LRRTM4: variants seen among roughly 807,000 people sequenced by gnomAD.
LRRTM4 encodes the protein leucine-rich repeat transmembrane neuronal protein 4.
A neutral mutation model predicts 47.6 loss-of-function variants in LRRTM4; 25 were observed. The observed-to-expected ratio is 0.53, with a 90% CI of 0.38 to 0.73. LRRTM4 has a LOEUF of 0.73. LRRTM4 is among the 30% of genes least tolerant of loss of function. The probability of loss-of-function intolerance (pLI) is 0.00; values close to 1 mark genes in which losing one functional copy is unlikely to be tolerated. For missense variants in LRRTM4, 638 were observed against 713.4 expected (o/e 0.89, Z 1.20); for synonymous variants, 311 against 269.5 (o/e 1.15, Z -1.51).
rs569174285 is a variant in LRRTM4, at chr2:76,868,229, G to A, written c.1552-119313C>T. 2.6e-5 allele frequency among the ~76,000 whole-genome samples: 4 copies of A among 152,090 alleles called. No individual in the cohort carries two copies. The South Asian group carries it at 8.3e-4, about 32-fold the overall frequency. On this transcript the variant is annotated intron_variant, in intron 3 of 3. Transcript: ENST00000409884. Reference sequence around the variant, plus strand: ...TTCCATCCAAAAATCTCAAAACAAAGGTAGATTTTTTAATATTAATTTTTC... The same window carrying A: ...TTCCATCCAAAAATCTCAAAACAAAAGTAGATTTTTTAATATTAATTTTTC...
At chr2:77,196,274 G>A (rs926950399) in intron 3 of LRRTM4, among the ~76,000 whole-genome samples, 1 of 152,084 alleles carries the variant, frequency 6.6e-6, no homozygotes, top group African/African-American at 2.4e-5. Flanking sequence ...AGGGTAATAG[G>A]CATATCTATC....
intron 3 of LRRTM4, among the ~76,000 whole-genome samples, chr2:77,367,121 T>G (rs1672490016): frequency 6.6e-6 from 1 of 151,802 alleles, no homozygotes; most frequent in Non-Finnish European, 1.5e-5. Context: ...ATGTATTGAT[T>G]TCTCGGCTTG....
At chr2:77,463,778 T>C (rs1676877787) in intron 3 of LRRTM4, among the ~76,000 whole-genome samples, 1 of 152,102 alleles carries the variant, frequency 6.6e-6, no homozygotes. Flanking sequence ...GCAGCTGTAG[T>C]GATATATCGA....
intron 3 of LRRTM4, among the ~76,000 whole-genome samples, chr2:76,818,290 G>A (rs1302679873): frequency 6.6e-6 from 1 of 151,672 alleles, no homozygotes; most frequent in African/African-American, 2.4e-5. Flanking sequence ...CCCTTAGTGG[G>A]TGAATAATAT....
intron 3 of LRRTM4, among the ~76,000 whole-genome samples, chr2:76,822,070 G>T (rs760505255): frequency 6.6e-6 from 1 of 151,474 alleles, no homozygotes; most frequent in African/African-American, 2.4e-5. Context: ...AAAATATTTA[G>T]TAAAATTTTA....
intron 3 of LRRTM4, among the ~76,000 whole-genome samples, chr2:77,021,095 T>C (rs952633569): frequency 7.6e-6 from 1 of 131,528 alleles, no homozygotes; most frequent in Admixed American, 7.8e-5. Context: ...AACTTCTCTG[T>C]ATCTATCTAT....
intron 3 of LRRTM4, among the ~76,000 whole-genome samples, chr2:76,902,901 G>A (rs1292772473): frequency 6.6e-6 from 1 of 152,082 alleles, no homozygotes; most frequent in African/African-American, 2.4e-5. Flanking sequence ...CCATTTCTTG[G>A]TGTGTTTTAA....
intron 3 of LRRTM4, among the ~76,000 whole-genome samples, chr2:76,904,359 A>T (rs998740258): frequency 6.6e-6 from 1 of 152,230 alleles, no homozygotes; most frequent in Non-Finnish European, 1.5e-5. Flanking sequence ...TTATTCGAGG[A>T]AGAAACAATG....
intron 3 of LRRTM4, among the ~76,000 whole-genome samples, chr2:77,223,774 G>T (rs533081692): frequency 6.7e-4 from 102 of 152,234 alleles, no homozygotes; most frequent in Non-Finnish European, 1.3e-3. Flanking sequence ...CGTGAAAATG[G>T]CCATACTGCC....
In LRRTM4 at chr2:77,362,932, T is replaced by C. The variant is rs1002310492; in HGVS notation, c.1551+155386A>G. Reference sequence around the variant, plus strand: ...ATTTGAAAAGAAAACATAAATTTAATTTAATTTTTAATGTTTGATTTTATG... The same window carrying C: ...ATTTGAAAAGAAAACATAAATTTAACTTAATTTTTAATGTTTGATTTTATG... On this transcript the variant is annotated intron_variant, in intron 3 of 3. Coordinates refer to ENST00000409884, the MANE Select transcript of LRRTM4 (RefSeq NM_001134745.3). Among the ~76,000 whole-genome samples the C allele has an allele frequency of 5.9e-5, 9 of 152,326 alleles. No individual in the cohort carries two copies. The East Asian group carries it at 1.7e-3, about 29-fold the overall frequency.
At chr2:77,371,158 A>T (rs1672642925) in intron 3 of LRRTM4, among the ~76,000 whole-genome samples, 1 of 151,780 alleles carries the variant, frequency 6.6e-6, no homozygotes, top group East Asian at 1.9e-4. Context: ...TGAGACAGAC[A>T]GGTGACTTTC....
At chr2:76,933,569 C>A (rs1007288365) in intron 3 of LRRTM4, among the ~76,000 whole-genome samples, 5 of 151,948 alleles carry the variant, frequency 3.3e-5, no homozygotes, top group Non-Finnish European at 7.4e-5. Flanking sequence ...TTAAAAATTG[C>A]ATTTTATAAT....
chr2:77,359,335 A>G (rs895132480), intron 3 of LRRTM4, among the ~76,000 whole-genome samples: 1 of 152,164 alleles, frequency 6.6e-6, no homozygotes, highest in Non-Finnish European at 1.5e-5. Context: ...TATATAATCA[A>G]TCATTTCCTC....
chr2:76,986,668 T>C (rs1164989524), intron 3 of LRRTM4, among the ~76,000 whole-genome samples: 1 of 151,946 alleles, frequency 6.6e-6, no homozygotes, highest in South Asian at 2.1e-4. Flanking sequence ...TAGAATAAGT[T>C]TGGTTGAAAA....
chr2:76,845,045 C>G (rs1233140760), intron 3 of LRRTM4, among the ~76,000 whole-genome samples: 1 of 152,106 alleles, frequency 6.6e-6, no homozygotes, highest in African/African-American at 2.4e-5. Flanking sequence ...CTTCCTTTAT[C>G]TTATTTCAGT....
intron 3 of LRRTM4, among the ~76,000 whole-genome samples, chr2:77,002,180 A>G (rs1446708): frequency 0.16 from 24,810 of 152,062 alleles, 2,211 homozygotes; most frequent in Admixed American, 0.26. Flanking sequence ...CCTCTTTTCA[A>G]ACATATATGT....
chr2:77,451,632 G>T (rs1160706946), intron 3 of LRRTM4, among the ~76,000 whole-genome samples: 1 of 152,168 alleles, frequency 6.6e-6, no homozygotes, highest in Non-Finnish European at 1.5e-5. Context: ...TCTAAGCATT[G>T]ATAATATGTC....
chr2:76,927,511 G>T (rs543705714), intron 3 of LRRTM4, among the ~76,000 whole-genome samples: 32 of 152,226 alleles, frequency 2.1e-4, no homozygotes, highest in African/African-American at 7.2e-4. Flanking sequence ...CCTGGTAGAT[G>T]TTGGTTCTCG....
At chr2:76,840,047 A>T (rs561903207) in intron 3 of LRRTM4, among the ~76,000 whole-genome samples, 1 of 152,160 alleles carries the variant, frequency 6.6e-6, no homozygotes, top group Non-Finnish European at 1.5e-5. Flanking sequence ...TTCTACTCCA[A>T]GAAAAGCCTC....
Sources: allele counts gnomAD v4.1 joint callset (sites outside exome capture counted in the v4.1 genomes callset), GRCh38; gene constraint gnomAD v4.1.1; transcripts MANE v1.5; gene names NCBI Gene and HGNC (gene_info 2026-07-23, HGNC 2026-07-21).